Variants in TSHR observed in about 807,000 individuals in gnomAD.
TSHR encodes the protein thyrotropin receptor.
TSHR carries 51 observed loss-of-function variants against 64.1 expected under a neutral mutation model. That is an observed-to-expected ratio of 0.80 (90% CI 0.64 to 1.01). The LOEUF (loss-of-function observed/expected upper bound fraction) is 1.01. Ranked by LOEUF, TSHR falls within the 50% of genes least tolerant of loss-of-function variation. TSHR has a pLI of 0.00. For missense variants in TSHR, 877 were observed against 942.8 expected, an observed-to-expected ratio of 0.93 and a Z score of 0.91; for synonymous variants, 361 against 361.9, an observed-to-expected ratio of 1.00 and a Z score of 0.03.
chr14:80,998,653 G>A lies in TSHR; in HGVS notation c.170+42803G>A, dbSNP rs540339052. On this transcript the variant is annotated intron_variant, in intron 1 of 9. Coordinates refer to ENST00000298171, the MANE Select transcript of TSHR (RefSeq NM_000369.5). Reference sequence around the variant, plus strand: ...GGCTAATCTTGGCTGTCTCTCTAAAGCCAATATAAAGAAAATGAGTGATAC... The same window carrying A: ...GGCTAATCTTGGCTGTCTCTCTAAAACCAATATAAAGAAAATGAGTGATAC... Among the ~76,000 whole-genome samples the A allele has an allele frequency of 7.2e-5, 11 of 151,932 alleles. No individual in the cohort carries two copies. The Middle Eastern group carries it at 0.017, about 235-fold the overall frequency.
intron 7 of TSHR, among the ~76,000 whole-genome samples, chr14:81,107,712 G>T (rs985506911): frequency 2.0e-5 from 3 of 151,804 alleles, no homozygotes; most frequent in Non-Finnish European, 4.4e-5. Context: ...ACACACTATT[G>T]GGTTGTCAGA....
chr14:81,034,469 G>A (rs10873333), intron 1 of TSHR, among the ~76,000 whole-genome samples: 2 of 152,192 alleles, frequency 1.3e-5, no homozygotes, highest in South Asian at 4.1e-4. Context: ...TTTTAAAACT[G>A]TGAAGTTTCT....
chr14:80,965,350 A>C (rs146667717), intron 1 of TSHR, among the ~76,000 whole-genome samples: 59 of 151,936 alleles, frequency 3.9e-4, no homozygotes, highest in African/African-American at 1.4e-3. Context: ...CACGACCCTC[A>C]CTCTTTCAGC....
intron 1 of TSHR, among the ~76,000 whole-genome samples, chr14:80,958,981 G>A (rs1028734045): frequency 1.3e-5 from 2 of 152,164 alleles, no homozygotes; most frequent in Non-Finnish European, 2.9e-5. Flanking sequence ...TACAAATTAT[G>A]ATGGTGCCGA....
chr14:80,997,378 T>G (rs1479024271), intron 1 of TSHR, among the ~76,000 whole-genome samples: 1 of 152,208 alleles, frequency 6.6e-6, no homozygotes, highest in Non-Finnish European at 1.5e-5. Flanking sequence ...TCTCTTTACC[T>G]CTTTAGCTCC....
chr14:80,968,473 A>C (rs1887430025), intron 1 of TSHR, among the ~76,000 whole-genome samples: 1 of 152,158 alleles, frequency 6.6e-6, no homozygotes, highest in African/African-American at 2.4e-5. Flanking sequence ...ATAATGCAAG[A>C]GGGTTTGGGA....
chr14:81,029,578 G>GA (rs1341270972), intron 1 of TSHR, among the ~76,000 whole-genome samples: 4 of 151,904 alleles, frequency 2.6e-5, no homozygotes, highest in East Asian at 1.9e-4. Context: ...GTGTTAATGA[G>GA]AAAAAAACCC....
chr14:81,086,808 A>C lies in TSHR; in HGVS notation c.318-1146A>C, dbSNP rs745597641. ...AACCTCACAGACATTATGCTAAATG[A>C]AAGAAGGCAGACACAAAAGACTGCC... is the stretch of plus-strand genomic sequence containing the variant. On this transcript the variant is annotated intron_variant, in intron 3 of 9. Transcript: ENST00000298171. 8.5e-5 allele frequency among the ~76,000 whole-genome samples: 13 copies of C among 152,378 alleles called. 1 individual carries two copies. The highest frequency in any genetic ancestry group is 3.4e-3 in the Middle Eastern group (1 of 294).
chr14:81,010,151 TC>T (rs1254895292), intron 1 of TSHR, among the ~76,000 whole-genome samples: 1 of 152,180 alleles, frequency 6.6e-6, no homozygotes, highest in Non-Finnish European at 1.5e-5. Context: ...ACCTTCTTTT[TC>T]TGTAAATTAT....
intron 1 of TSHR, among the ~76,000 whole-genome samples, chr14:81,007,067 T>C (rs1158698462): frequency 6.6e-6 from 1 of 152,202 alleles, no homozygotes; most frequent in African/African-American, 2.4e-5. Context: ...GTCACTGTTA[T>C]GTATTTAAAT....
intron 1 of TSHR, chr14:81,053,613 T>G (rs985603579): frequency 6.6e-6 from 1 of 152,210 alleles, no homozygotes; most frequent in East Asian, 1.9e-4. Context: ...TATAGATCAC[T>G]GGTATGAGTG....
intron 3 of TSHR, among the ~76,000 whole-genome samples, chr14:81,080,853 A>AGACTTTT (rs2139945745): frequency 6.6e-6 from 1 of 152,340 alleles, no homozygotes; most frequent in South Asian, 2.1e-4. Context: ...GAGCTTTGAC[A>AGACTTTT]GACTTTTAAC....
chr14:81,095,031 C>G (rs1269035817), intron 6 of TSHR, among the ~76,000 whole-genome samples: 1 of 152,092 alleles, frequency 6.6e-6, no homozygotes, highest in African/African-American at 2.4e-5. Flanking sequence ...TTGAACTTTC[C>G]TGTGTGCTTC....
At chr14:81,031,439 AATT>A (rs1884341964) in intron 1 of TSHR, among the ~76,000 whole-genome samples, 6 of 152,302 alleles carry the variant, frequency 3.9e-5, no homozygotes, top group Non-Finnish European at 8.8e-5. Context: ...ATTGTCTAGG[AATT>A]ATTATTTAAT....
In TSHR at chr14:81,145,226, A is replaced by C. The variant is rs1315181913; in HGVS notation, c.*873A>C. On this transcript the variant is annotated 3_prime_UTR_variant, in exon 10 of 10. Transcript: ENST00000298171. Reference sequence around the variant, plus strand: ...GGACTTAAATCTGTAGAAATGAAGGAGTCCAATAGCTTCTTCCAATTTTAA... The same window carrying C: ...GGACTTAAATCTGTAGAAATGAAGGCGTCCAATAGCTTCTTCCAATTTTAA... 4.3e-6 allele frequency: 1 copy of C among 233,018 alleles called. No individual in the cohort carries two copies. Among genetic ancestry groups the C allele is most frequent in the African/African-American group, 2.2e-5 (1 of 45,356 alleles). 14.4% of individuals were successfully genotyped at this position (233,018 alleles called of 1,614,324 possible).
At chr14:81,071,913 A>T (rs1421414494) in intron 3 of TSHR, among the ~76,000 whole-genome samples, 1 of 151,970 alleles carries the variant, frequency 6.6e-6, no homozygotes, top group African/African-American at 2.4e-5. Flanking sequence ...TTTCATCTTT[A>T]TTGGTAAATT....
intron 1 of TSHR, among the ~76,000 whole-genome samples, chr14:80,981,030 C>T (rs1888140392): frequency 6.6e-6 from 1 of 151,966 alleles, no homozygotes; most frequent in Non-Finnish European, 1.5e-5. Flanking sequence ...TCATTCTATT[C>T]TCTGTAATTC....
chr14:81,096,106 A>G (rs1889168342), intron 6 of TSHR, among the ~76,000 whole-genome samples: 1 of 151,976 alleles, frequency 6.6e-6, no homozygotes, highest in South Asian at 2.1e-4. Flanking sequence ...TTCATCTATG[A>G]GGTTTAATTT....
At chr14:80,980,630 A>G (rs1888118918) in intron 1 of TSHR, among the ~76,000 whole-genome samples, 1 of 152,108 alleles carries the variant, frequency 6.6e-6, no homozygotes, top group South Asian at 2.1e-4. Context: ...ATTTTTATTT[A>G]CCCTGCTTTG....
Sources: gnomAD v4.1 joint callset for allele counts (sites outside exome capture counted in the v4.1 genomes callset) on GRCh38, gnomAD v4.1.1 for gene constraint, MANE v1.5 for transcripts, NCBI Gene and HGNC (gene_info 2026-07-23, HGNC 2026-07-21) for gene names.